The following SCN2A variants were observed in gnomAD, a reference collection of about 807,000 sequenced individuals.
SCN2A encodes the protein sodium channel protein type 2 subunit alpha.
A neutral mutation model predicts 188.7 loss-of-function variants in SCN2A; 20 were observed. The ratio of observed to expected loss-of-function variants is 0.11; its 90% CI spans 0.07 to 0.15. The LOEUF (loss-of-function observed/expected upper bound fraction) is 0.15. Among genes scored for constraint, SCN2A ranks in the 10% least tolerant of loss-of-function variants. SCN2A has a pLI of 1.00. For synonymous variants in SCN2A, 804 were observed against 833.1 expected (o/e 0.97, Z 0.60); for missense variants, 1,278 against 2,445.0 (o/e 0.52, Z 10.07).
intron 1 of SCN2A, among the ~76,000 whole-genome samples, chr2:165,277,155 G>A (rs1056164836): frequency 2.6e-5 from 4 of 152,134 alleles, no homozygotes; most frequent in Non-Finnish European, 5.9e-5. Context: ...ATAGAATCTG[G>A]AGGTTGAAAA....
chr2:165,387,546 G>T (rs58934848), intron 26 of SCN2A, among the ~76,000 whole-genome samples: 6,034 of 152,162 alleles, frequency 0.04, 391 homozygotes, highest in African/African-American at 0.13. Flanking sequence ...GAAGCAGATA[G>T]TTTGTTTGAA....
At chr2:165,242,765 A>G (rs1693677587) in intron 1 of SCN2A, among the ~76,000 whole-genome samples, 2 of 152,296 alleles carry the variant, frequency 1.3e-5, no homozygotes, top group Non-Finnish European at 2.9e-5. Flanking sequence ...AGAAGAAACA[A>G]AAGTACACCA....
intron 1 of SCN2A, among the ~76,000 whole-genome samples, chr2:165,257,590 G>A (rs1694384619): frequency 6.6e-6 from 1 of 152,092 alleles, no homozygotes; most frequent in African/African-American, 2.4e-5. Context: ...CCAGGCTGGA[G>A]TGCAGCGGCG....
intron 17 of SCN2A, among the ~76,000 whole-genome samples, chr2:165,364,618 T>C (rs1055001609): frequency 3.3e-5 from 5 of 152,196 alleles, no homozygotes; most frequent in Non-Finnish European, 5.9e-5. Context: ...TAGAAAATTA[T>C]AGAATATATT....
intron 16 of SCN2A, among the ~76,000 whole-genome samples, chr2:165,350,211 G>A (rs1699810530): frequency 6.6e-6 from 1 of 152,326 alleles, no homozygotes; most frequent in East Asian, 1.9e-4. Context: ...AAGTGAAGGT[G>A]AGGCAATAGC....
chr2:165,265,107 C>G (rs1694780590), intron 1 of SCN2A, among the ~76,000 whole-genome samples: 1 of 151,930 alleles, frequency 6.6e-6, no homozygotes, highest in African/African-American at 2.4e-5. Flanking sequence ...AGTAAGTGTT[C>G]CTTTTTCTCC....
At chr2:165,258,690 T>G (rs1387239899) in intron 1 of SCN2A, among the ~76,000 whole-genome samples, 1 of 152,130 alleles carries the variant, frequency 6.6e-6, no homozygotes, top group Non-Finnish European at 1.5e-5. Context: ...ACCTAAATAC[T>G]CATCAACAGT....
rs181382177 is a variant in SCN2A at position 165,319,302 on chromosome 2, A to T, written c.1671+3544A>T. 1.1e-4 allele frequency among the ~76,000 whole-genome samples: 16 copies of T among 152,308 alleles called. No homozygotes were observed. The East Asian group carries it at 3.1e-3, about 29-fold the overall frequency. On this transcript the variant is annotated intron_variant, in intron 11 of 26. Transcript: ENST00000375437. ...CAGTGAGCCGAGATCACGCCACTGC[A>T]CTCCAGCCTGGGTGACAGAGTGAGA...
intron 13 of SCN2A, among the ~76,000 whole-genome samples, chr2:165,329,657 C>T (rs1698569484): frequency 6.6e-6 from 1 of 152,026 alleles, no homozygotes; most frequent in Non-Finnish European, 1.5e-5. Context: ...TAAATGACAG[C>T]TGGCATGGAA....
intron 17 of SCN2A, among the ~76,000 whole-genome samples, chr2:165,362,337 T>G (rs759208806): frequency 2.0e-5 from 3 of 152,064 alleles, no homozygotes; most frequent in Non-Finnish European, 4.4e-5. Context: ...CTACTTTTAA[T>G]GTGATTTAAA....
chr2:165,290,700 A>C, intron 1 of SCN2A: 3 of 845,842 alleles, frequency 3.5e-6, no homozygotes, highest in Non-Finnish European at 4.3e-6. Context: ...TGGATTTGAT[A>C]ATTGAAGTTG....
intron 10 of SCN2A, 106 bp from the exon 11 acceptor site, chr2:165,315,365 T>C (rs1222920964): frequency 1.9e-5 from 30 of 1,540,232 alleles, no homozygotes; most frequent in Non-Finnish European, 2.6e-5. Context: ...AAATGGAGAA[T>C]TGTTTTTCAA....
intron 1 of SCN2A, among the ~76,000 whole-genome samples, chr2:165,246,353 G>C (rs1296384077): frequency 6.6e-6 from 1 of 152,020 alleles, no homozygotes; most frequent in African/African-American, 2.4e-5. Context: ...TTCCTCCAAT[G>C]ATCATGTTTT....
chr2:165,373,567 C>T (rs1324661123), intron 21 of SCN2A, among the ~76,000 whole-genome samples: 5 of 152,114 alleles, frequency 3.3e-5, no homozygotes. Context: ...TTCTGATTAG[C>T]TAGATTTTCA....
intron 6 of SCN2A, among the ~76,000 whole-genome samples, chr2:165,309,828 T>A (rs1427220553): frequency 6.6e-6 from 1 of 152,174 alleles, no homozygotes; most frequent in Non-Finnish European, 1.5e-5. Flanking sequence ...AGGGATAGCA[T>A]GAGTGCTGCA....
intron 3 of SCN2A, among the ~76,000 whole-genome samples, chr2:165,304,402 T>C (rs1022248993): frequency 3.9e-5 from 6 of 152,202 alleles, no homozygotes; most frequent in Admixed American, 3.3e-4. Flanking sequence ...GCCAACAATA[T>C]ATTTGAAGAC....
intron 1 of SCN2A, among the ~76,000 whole-genome samples, chr2:165,284,172 T>G (rs1402471904): frequency 6.6e-6 from 1 of 152,000 alleles, no homozygotes; most frequent in Non-Finnish European, 1.5e-5. Flanking sequence ...TTTAATTTAT[T>G]TATTTATTTA....
At chr2:165,248,758 C>T (rs1197127854) in intron 1 of SCN2A, among the ~76,000 whole-genome samples, 6 of 152,070 alleles carry the variant, frequency 3.9e-5, no homozygotes, top group African/African-American at 1.4e-4. Flanking sequence ...GTTTGGTGCA[C>T]TGATGTTTCA....
chr2:165,331,332 C>T lies in SCN2A; in HGVS notation c.2152C>T (p.Leu718Phe), dbSNP rs2105293240. The T allele has an allele frequency of 6.2e-7, 1 of 1,610,998 alleles. No individual in the cohort carries two copies. Among genetic ancestry groups the T allele is most frequent in the Non-Finnish European group, 8.5e-7 (1 of 1,177,368 alleles). The change falls in exon 14 of 27, where the codon CTT becomes TTT. Residue 718 changes from leucine (L) to phenylalanine (F), a missense_variant and splice_region_variant. Around this residue, in one of 17 missense-constraint regions of SCN2A, gnomAD observed 315 missense variants for 386.6 expected, o/e 0.81. Transcript: ENST00000375437. The stretch of plus-strand genomic sequence containing the variant: ...GATTCTAACTTTTTTTCTTCCAGAA[C>T]TTGAAGAATCCAGACAGAAATGCCC... The part of the protein sequence containing the change: ...ASILTNTMEE[L>F]EESRQKCPPC...
Sources: allele counts gnomAD v4.1 joint callset (sites outside exome capture counted in the v4.1 genomes callset), GRCh38; gene constraint gnomAD v4.1.1; regional missense constraint gnomAD v4.1.1; transcripts MANE v1.5; gene names NCBI Gene and HGNC (gene_info 2026-07-23, HGNC 2026-07-21).